CDH4: variants seen among roughly 807,000 people sequenced by gnomAD.
CDH4 encodes the protein cadherin-4.
CDH4 carries 33 observed loss-of-function variants against 86.0 expected under a neutral mutation model. The observed-to-expected ratio is 0.38, with a 90% confidence interval of 0.29 to 0.51. The LOEUF is 0.51. Ranked by LOEUF, CDH4 falls within the 20% of genes least tolerant of loss-of-function variation. The probability of loss-of-function intolerance (pLI) is 0.86; values close to 1 mark genes in which losing one functional copy is unlikely to be tolerated. For missense variants in CDH4, 1,114 were observed against 1,307.4 expected, an observed-to-expected ratio of 0.85 and a Z score of 2.28; for synonymous variants, 555 against 549.4, an observed-to-expected ratio of 1.01 and a Z score of -0.14.
intron 2 of CDH4, among the ~76,000 whole-genome samples, chr20:61,402,956 G>C (rs372111719): frequency 2.0e-5 from 3 of 152,266 alleles, no homozygotes; most frequent in East Asian, 3.9e-4. Context: ...CAACAAAAAG[G>C]CTGATTTCCC....
At chr20:61,790,147 C>G (rs1220852400) in intron 4 of CDH4, among the ~76,000 whole-genome samples, 1 of 151,646 alleles carries the variant, frequency 6.6e-6, no homozygotes, top group Non-Finnish European at 1.5e-5. Context: ...CACCCATCCA[C>G]ACACCCACCC....
At chr20:61,756,726 G>A (rs940230767) in intron 3 of CDH4, among the ~76,000 whole-genome samples, 2 of 152,068 alleles carry the variant, frequency 1.3e-5, no homozygotes, top group Admixed American at 6.5e-5. Context: ...CCCCAGGGCT[G>A]GCTGGCCAGT....
At chr20:61,601,957 A>G (rs1429856711) in intron 2 of CDH4, among the ~76,000 whole-genome samples, 1 of 152,196 alleles carries the variant, frequency 6.6e-6, no homozygotes, top group East Asian at 1.9e-4. Context: ...GAATGGCAGG[A>G]CACCGTCTGC....
chr20:61,903,277 G>T (rs2054749363), intron 8 of CDH4, among the ~76,000 whole-genome samples: 1 of 152,098 alleles, frequency 6.6e-6, no homozygotes. Flanking sequence ...CAGGCATGGT[G>T]GCTCACGCCT....
At chr20:61,629,829 G>A (rs768539184) in intron 2 of CDH4, among the ~76,000 whole-genome samples, 10 of 152,202 alleles carry the variant, frequency 6.6e-5, no homozygotes, top group Non-Finnish European at 1.2e-4. Context: ...GCCTGAGTCC[G>A]ATGCGGCGCC....
rs1215559900 is a variant in CDH4, at chr20:61,399,190, T to C, written c.169+144253T>C. 6.8e-5 allele frequency among the ~76,000 whole-genome samples: 3 copies of C among 43,810 alleles called. 1 individual carries two copies. In the East Asian group the frequency reaches 2.5e-3, roughly 37 times the overall value. 28.7% of individuals were successfully genotyped at this position (43,810 alleles called of 152,430 possible). A position where few individuals can be genotyped will look rare whatever the true frequency, so the allele number is the denominator to read the frequency against. ...GCCCAGGCCGGACTGCGGACTGCAG[T>C]GGCGCAATCTCGGCTCACTGCAAGC... is the stretch of plus-strand genomic sequence containing the variant. On this transcript the variant is annotated intron_variant, in intron 2 of 15. Coordinates refer to ENST00000614565, the MANE Select transcript of CDH4 (RefSeq NM_001794.5).
At chr20:61,556,716 C>G (rs1303632287) in intron 2 of CDH4, among the ~76,000 whole-genome samples, 1 of 152,092 alleles carries the variant, frequency 6.6e-6, no homozygotes, top group Non-Finnish European at 1.5e-5. Context: ...TCTCCAGTGC[C>G]CCCAGTGGAG....
At chr20:61,286,032 T>C (rs755805996) in intron 2 of CDH4, among the ~76,000 whole-genome samples, 6 of 152,194 alleles carry the variant, frequency 3.9e-5, no homozygotes, top group Non-Finnish European at 8.8e-5. Context: ...CCAGATTCCA[T>C]GTGTTAAGTA....
At chr20:61,512,249 T>C (rs989333527) in intron 2 of CDH4, among the ~76,000 whole-genome samples, 2 of 152,072 alleles carry the variant, frequency 1.3e-5, no homozygotes, top group Non-Finnish European at 2.9e-5. Flanking sequence ...CAGGTCATCA[T>C]CTCTCAAGGG....
intron 6 of CDH4, among the ~76,000 whole-genome samples, chr20:61,865,388 T>G (rs1568856702): frequency 6.6e-6 from 1 of 152,092 alleles, no homozygotes; most frequent in Non-Finnish European, 1.5e-5. Flanking sequence ...AGATAATGGT[T>G]GGCTTCCTGG....
At chr20:61,802,871 C>A (rs551331622) in intron 4 of CDH4, among the ~76,000 whole-genome samples, 1 of 152,238 alleles carries the variant, frequency 6.6e-6, no homozygotes, top group Non-Finnish European at 1.5e-5. Context: ...TCCTCCCCGT[C>A]CTCCTGGCTG....
chr20:61,912,138 G>C (rs769946859), intron 9 of CDH4, among the ~76,000 whole-genome samples: 4 of 152,164 alleles, frequency 2.6e-5, no homozygotes, highest in African/African-American at 7.2e-5. Context: ...AATCAAAAAG[G>C]GGGGAAGAAT....
At position 61,933,073 on chromosome 20, in the gene CDH4, C is replaced by T. The variant is rs1455776266; in HGVS notation, c.2328C>T (p.Val776=). The change falls in exon 14 of 16, where the codon GTC becomes GTT. Residue 776 remains valine, a synonymous_variant. Transcript: ENST00000614565. ...TGCTCATTGACCCCGAGGACGACGT[C>T]CGCGACAACATCCTCAAGTATGACG... ...KQLLIDPEDD[V]RDNILKYDEE... is the part of the protein sequence containing the mutation. 1.9e-6 allele frequency: 3 copies of T among 1,613,124 alleles called. No individual in the cohort carries two copies. The African/African-American group carries it at 4.0e-5, about 22-fold the overall frequency.
Position 61,829,844 on chromosome 20 carries a change from C to A in CDH4, c.577-14824C>A, listed in dbSNP as rs1217448104. On this transcript the variant is annotated intron_variant, in intron 4 of 15. Coordinates refer to ENST00000614565, the MANE Select transcript of CDH4 (RefSeq NM_001794.5). The surrounding 1 kb of genome is among the most constrained non-coding windows in gnomAD (Gnocchi z 4.2). ...GACCCCAGTCCCCTTGGACCAGGGG[C>A]AAAGCTCATTTCCCTCATCCCTCCC... 2.0e-5 allele frequency among the ~76,000 whole-genome samples: 3 copies of A among 152,030 alleles called. No individual in the cohort carries two copies.
At chr20:61,797,908 C>T (rs533390269) in intron 4 of CDH4, among the ~76,000 whole-genome samples, 3 of 152,326 alleles carry the variant, frequency 2.0e-5, no homozygotes, top group East Asian at 1.9e-4. Flanking sequence ...CTGCAGGACA[C>T]GGACCGCAGG....
chr20:61,870,053 T>A (rs1983729301), intron 6 of CDH4, among the ~76,000 whole-genome samples: 1 of 152,046 alleles, frequency 6.6e-6, no homozygotes, highest in Admixed American at 6.6e-5. Context: ...TCAAAGGGAG[T>A]ACGCGGGTCT....
At chr20:61,575,720 TGTA>T (rs58354692) in intron 2 of CDH4, among the ~76,000 whole-genome samples, 8,823 of 152,266 alleles carry the variant, frequency 0.058, 525 homozygotes, top group African/African-American at 0.15. Context: ...GTTGAGTAAT[TGTA>T]GTAGTGACCT....
intron 2 of CDH4, among the ~76,000 whole-genome samples, chr20:61,453,387 G>T (rs540669724): frequency 1.1e-4 from 16 of 152,288 alleles, no homozygotes; most frequent in African/African-American, 3.6e-4. Flanking sequence ...TGCTGGGTTC[G>T]CATGTGTGGA....
chr20:61,565,215 C>CCTCTTGGTGATGGGGTGGT (rs2086267597), intron 2 of CDH4, among the ~76,000 whole-genome samples: 1 of 41,168 alleles, frequency 2.4e-5, no homozygotes, highest in Non-Finnish European at 4.5e-5. Flanking sequence ...GCGGTGCTCT[C>CCTCTTGGTGATGGGGTGGT]GGTGGTAGGT....
Sources: gnomAD v4.1 joint callset for allele counts (sites outside exome capture counted in the v4.1 genomes callset) on GRCh38, gnomAD v4.1.1 for gene constraint, Gnocchi (gnomAD v3.1) non-coding constraint, MANE v1.5 for transcripts, NCBI Gene and HGNC (gene_info 2026-07-23, HGNC 2026-07-21) for gene names.